Variants in ECEL1 observed in about 807,000 individuals in gnomAD.
ECEL1 encodes endothelin-converting enzyme-like 1.
A neutral mutation model predicts 101.8 loss-of-function variants in ECEL1; 87 were observed. That is an observed-to-expected ratio of 0.85 (90% confidence interval 0.72 to 1.02). The LOEUF is 1.02. Ranked by LOEUF, ECEL1 falls within the 50% of genes least tolerant of loss-of-function variation. The pLI is 0.00. For missense variants in ECEL1, 1,032 were observed against 1,079.2 expected (o/e 0.96, Z 0.61); for synonymous variants, 487 against 468.7 (o/e 1.04, Z -0.50).
intron 6 of ECEL1, 84 bp downstream of exon 6, chr2:232,484,388 A>G (rs534899356): frequency 3.5e-5 from 56 of 1,584,600 alleles, no homozygotes; most frequent in Admixed American, 8.5e-5. Flanking sequence ...CAGAAAATGT[A>G]AAGCCCACCC....
Position 232,486,643 on chromosome 2 carries a change from G to C in ECEL1, c.11C>G (p.Pro4Arg). 1 of 1,527,718 alleles carries C rather than the reference G, an allele frequency of 6.5e-7. No individual in the cohort carries two copies. The highest frequency in any genetic ancestry group is 8.7e-7 in the Non-Finnish European group (1 of 1,147,958). The allele number at this position is 1,527,718 out of a possible 1,614,324, so 94.6% of individuals were successfully genotyped here. A position where few individuals can be genotyped will look rare whatever the true frequency, so the allele number is the denominator to read the frequency against. Residue 4 changes from proline (P) to arginine (R), a missense_variant, in exon 2 of 18, where the codon CCG becomes CGG. Pro to Arg is a moderately radical substitution (Grantham distance 103). Transcript: ENST00000304546. ...ATCGTAGTGCGCCGTCAGCGAATAC[G>C]GGGGCTCCATGGCGCCGAGGCCGCC... Reference protein sequence around the residue: MEPPYSLTAHYDEF... With the variant: MEPRYSLTAHYDEF...
chr2:232,481,453 C>T (rs538623666), intron 14 of ECEL1, 53 bp downstream of exon 14: 189 of 1,563,722 alleles, frequency 1.2e-4, no homozygotes, highest in Non-Finnish European at 1.5e-4. Flanking sequence ...GTGATGCTCC[C>T]GGCCCGTGCC....
intron 15 of ECEL1, 120 bp from the exon 16 acceptor site, chr2:232,480,933 C>T (rs1690561458): frequency 2.2e-6 from 3 of 1,340,134 alleles, no homozygotes; most frequent in African/African-American, 2.9e-5. Context: ...GTGAATCCTT[C>T]CTCTTCCAGT....
chr2:232,483,307 C>A, intron 8 of ECEL1, 109 bp downstream of exon 8: 1 of 1,513,626 alleles, frequency 6.6e-7, no homozygotes, highest in Non-Finnish European at 9.0e-7. Flanking sequence ...GGGAGGCAGG[C>A]CTGGTCAACT....
At chr2:232,485,474 C>G (rs947809078) in intron 2 of ECEL1, among the ~76,000 whole-genome samples, 2 of 152,168 alleles carry the variant, frequency 1.3e-5, no homozygotes, top group African/African-American at 4.8e-5. Context: ...CCCAATCTTA[C>G]CCCTGTACGT....
Position 232,485,154 on chromosome 2 carries a change from T to G in ECEL1, c.855+45A>C, listed in dbSNP as rs753667855. 9.3e-6 allele frequency: 15 copies of G among 1,612,670 alleles called. No homozygotes were observed. In the Admixed American group the frequency reaches 2.5e-4, roughly 27 times the overall value. On this transcript the variant is annotated intron_variant, in intron 3 of 17. Coordinates refer to ENST00000304546, the MANE Select transcript of ECEL1 (RefSeq NM_004826.4). ...AGGCCTAGCCTGGATCCACCCCTCC[T>G]GGGGCCCCAGGCCTTCCCTGCCTCC...
Position 232,481,084 on chromosome 2 carries a change from CGCTCACGTGGTAG to C in ECEL1, c.2049_2055+6del, listed in dbSNP as rs1559272549. 1 of 1,556,678 alleles carries C rather than the reference CGCTCACGTGGTAG, an allele frequency of 6.4e-7. No homozygotes were observed. The highest frequency in any genetic ancestry group is 1.2e-5 in the South Asian group (1 of 84,410). On this transcript the variant is annotated splice_donor_variant and splice_donor_5th_base_variant and coding_sequence_variant and intron_variant, in exon 15 of 18. Transcript: ENST00000304546. LOFTEE classifies it high-confidence loss of function. ...CAGCAGGGGTGGAGCACAGGCAGGC[CGCTCACGTGGTAG>C]GCCAGCTTGAGGCCGCCCATATCTG...
rs745970246 is a variant in ECEL1 at position 232,480,140 on chromosome 2, C to T, written c.*13G>A. On this transcript the variant is annotated 3_prime_UTR_variant, in exon 18 of 18. Transcript: ENST00000304546. ...TGCGGGGGCAGTGGGGGCGTGCAGG[C>T]GGGCAGCCAGGCTCACCACACGGAA... The T allele has an allele frequency of 6.2e-6, 10 of 1,612,740 alleles. No homozygotes were observed. The African/African-American group carries it at 6.7e-5, about 11-fold the overall frequency.
At chr2:232,482,772 G>A (rs1690615003) in intron 10 of ECEL1, 79 bp downstream of exon 10, 4 of 1,565,720 alleles carry the variant, frequency 2.6e-6, no homozygotes, top group Non-Finnish European at 3.5e-6. Context: ...CTGCATGGCT[G>A]TGAGACGATT....
chr2:232,483,625 T>C, intron 7 of ECEL1, 111 bp from the exon 8 acceptor site: 1 of 845,432 alleles, frequency 1.2e-6, no homozygotes. Flanking sequence ...CCAAACCTCA[T>C]TTCTGAACAC....
In ECEL1 at chr2:232,484,523, G is replaced by A. The variant is rs369255583; in HGVS notation, c.1133C>T (p.Ala378Val). 77 of 1,613,798 alleles carry A rather than the reference G, an allele frequency of 4.8e-5. No individual in the cohort carries two copies. The highest frequency in any genetic ancestry group is 5.9e-5 in the Non-Finnish European group (70 of 1,180,016). ...CGACACCTGCTGCATGTAGTCTGTC[G>A]CCAGCAGCACCACCTCCTCTTCCTC... ...FSEEEEVVLLATDYMQQVSQL... is the reference protein window; with the variant it reads ...FSEEEEVVLLVTDYMQQVSQL... Residue 378 changes from alanine (A) to valine (V), a missense_variant, in exon 6 of 18, where the codon GCG (alanine) becomes GTG (valine). By Grantham distance (64) the Ala-to-Val change is moderately conservative (BLOSUM62 0). Coordinates refer to ENST00000304546, the MANE Select transcript of ECEL1 (RefSeq NM_004826.4).
rs1446692920 is a variant in ECEL1 at position 232,486,101 on chromosome 2, G to A, written c.553C>T (p.Arg185Cys). 4 of 1,590,740 alleles carry A rather than the reference G, an allele frequency of 2.5e-6. No homozygotes were observed. The highest frequency in any genetic ancestry group is 2.7e-5 in the African/African-American group (2 of 74,374). The part of the protein sequence containing the change: ...AAQRKVRAFF[R>C]SCLDMREIER... Reference sequence around the variant, plus strand: ...ATCTCGCGCATGTCGAGGCACGAGCGGAAGAAGGCGCGCACCTTGCGCTGG... The same window carrying A: ...ATCTCGCGCATGTCGAGGCACGAGCAGAAGAAGGCGCGCACCTTGCGCTGG... Residue 185 changes from arginine to cysteine, a missense_variant, in exon 2 of 18, where the codon CGC becomes TGC. Arg to Cys is a radical substitution (Grantham distance 180). Coordinates refer to ENST00000304546, the MANE Select transcript of ECEL1 (RefSeq NM_004826.4).
rs1460618593 is a variant in ECEL1, at chr2:232,480,222, C to G, written c.2259G>C (p.Glu753Asp). Residue 753 changes from glutamate (E) to aspartate (D), a missense_variant, in exon 18 of 18, where the codon GAG (glutamate) becomes GAC (aspartate). By Grantham distance (45) the Glu-to-Asp change is conservative. Coordinates refer to ENST00000304546, the MANE Select transcript of ECEL1 (RefSeq NM_004826.4). Reference protein sequence around the residue: ...RVLGSVSQFEEFGRAFHCPKD... With the variant: ...RVLGSVSQFEDFGRAFHCPKD... ...TGGGACAGTGGAAAGCCCGGCCAAA[C>G]TCCTCAAACTGGGACACACTGCCCA... 2.5e-6 allele frequency: 4 copies of G among 1,614,000 alleles called. No individual in the cohort carries two copies. In the Admixed American group the frequency reaches 6.7e-5, roughly 27 times the overall value.
At position 232,480,437 on chromosome 2, in the gene ECEL1, C is replaced by T. The variant is rs754018411; in HGVS notation, c.2190G>A (p.Leu730=). ...CIKRRSQSIY[L]QVLTDKHAPE... is the part of the protein sequence containing the mutation. Reference sequence around the variant, plus strand: ...GGGCATGCTTGTCAGTCAGCACCTGCAGGTAGATGGACTGCGACCGCCGCT... The same window carrying T: ...GGGCATGCTTGTCAGTCAGCACCTGTAGGTAGATGGACTGCGACCGCCGCT... Residue 730 remains leucine, a synonymous_variant, in exon 17 of 18, where the codon CTG becomes CTA. Coordinates refer to ENST00000304546, the MANE Select transcript of ECEL1 (RefSeq NM_004826.4). 6.2e-7 allele frequency: 1 copy of T among 1,613,836 alleles called. No homozygotes were observed. Among genetic ancestry groups the T allele is most frequent in the Non-Finnish European group, 8.5e-7 (1 of 1,179,980 alleles).
intron 7 of ECEL1, among the ~76,000 whole-genome samples, 195 bp from the exon 8 acceptor site, chr2:232,483,709 C>T (rs539516364): frequency 7.2e-5 from 11 of 152,338 alleles, no homozygotes; most frequent in African/African-American, 2.6e-4. Flanking sequence ...AGGAAACTGC[C>T]CCAGCAATGA....
chr2:232,483,643 A>G, intron 7 of ECEL1, 129 bp from the exon 8 acceptor site: 1 of 771,986 alleles, frequency 1.3e-6, no homozygotes, highest in Non-Finnish European at 2.0e-6. Flanking sequence ...CACCAAGAGG[A>G]TACTTTGGAG....
chr2:232,480,810 A>G lies in ECEL1; in HGVS notation c.2059T>C (p.Tyr687His). 1 of 1,612,666 alleles carries G rather than the reference A, an allele frequency of 6.2e-7. No homozygotes were observed. Among genetic ancestry groups the G allele is most frequent in the Non-Finnish European group, 8.5e-7 (1 of 1,179,370 alleles). Residue 687 changes from tyrosine to histidine, a missense_variant, in exon 16 of 18, where the codon TAT becomes CAT. Tyr to His is a moderately conservative substitution (Grantham distance 83). Coordinates refer to ENST00000304546, the MANE Select transcript of ECEL1 (RefSeq NM_004826.4). The stretch of plus-strand genomic sequence containing the variant: ...CCGTGCTCCCGCACCCACTTCTGAT[A>G]GGCCTGGGGACACAGAGAGCATGGA... ...MGGLKLAYHA[Y>H]QKWVREHGPE... is the part of the protein sequence containing the mutation.
In ECEL1 at chr2:232,481,609, C is replaced by G; in HGVS notation, c.1886G>C (p.Gly629Ala). ...DDWGGQYDRS[G>A]NLLHWWTEAS... ...CTCCGTCCACCAGTGCAGCAGGTTC[C>G]CTGAGCGGTCATACTGGCCCCCTGT... Residue 629 changes from glycine to alanine, a missense_variant, in exon 14 of 18, where the codon GGG becomes GCG. Transcript: ENST00000304546. The G allele has an allele frequency of 6.2e-7, 1 of 1,613,776 alleles. No homozygotes were observed. Among genetic ancestry groups the G allele is most frequent in the African/African-American group, 1.3e-5 (1 of 75,056 alleles).
At position 232,485,926 on chromosome 2, in the gene ECEL1, GCGGCGGCGCTGTACA is replaced by G. The variant is rs1470207966; in HGVS notation, c.713_727del (p.Val238_Ala242del). 1 of 1,575,422 alleles carries G rather than the reference GCGGCGGCGCTGTACA, an allele frequency of 6.3e-7. No homozygotes were observed. The highest frequency in any genetic ancestry group is 8.6e-7 in the Non-Finnish European group (1 of 1,163,082). ...CAGGCTGACCGTGAGCGAGAAGAGC[GCGGCGGCGCTGTACA>G]CGCCCTGCGCCTTGTACAGCAGCCG... On this transcript the variant is annotated inframe_deletion, in exon 2 of 18. Transcript: ENST00000304546.
Sources: allele counts gnomAD v4.1 joint callset (sites outside exome capture counted in the v4.1 genomes callset), GRCh38; gene constraint gnomAD v4.1.1; transcripts MANE v1.5; gene names NCBI Gene and HGNC (gene_info 2026-07-23, HGNC 2026-07-21).